Variants in ACTR5 observed in about 807,000 individuals in gnomAD.
ACTR5 encodes the protein actin-related protein 5.
A neutral mutation model predicts 61.2 loss-of-function variants in ACTR5; 43 were observed. The ratio of observed to expected loss-of-function variants is 0.70; its 90% CI spans 0.55 to 0.91. The LOEUF (loss-of-function observed/expected upper bound fraction) is 0.91, where lower values mean the gene tolerates loss of function less well. Among genes scored for constraint, ACTR5 ranks in the 40% least tolerant of loss-of-function variants. ACTR5 has a pLI of 0.00. For synonymous variants in ACTR5, 333 were observed against 310.5 expected (o/e 1.07, Z -0.76); for missense variants, 798 against 782.2 (o/e 1.02, Z -0.24).
chr20:38,767,725 T>A (rs765874064), intron 8 of ACTR5, 129 bp downstream of exon 8: 3 of 1,055,338 alleles, frequency 2.8e-6, no homozygotes, highest in Non-Finnish European at 2.7e-6. Flanking sequence ...CTTAAGTCCA[T>A]GCTTAATTTT....
intron 3 of ACTR5, among the ~76,000 whole-genome samples, chr20:38,753,693 A>G (rs1445674575): frequency 6.6e-6 from 1 of 152,132 alleles, no homozygotes; most frequent in African/African-American, 2.4e-5. Flanking sequence ...TGGTAGTTGG[A>G]TGATTTTTAA....
At chr20:38,763,464 C>T (rs2084466720) in intron 5 of ACTR5, among the ~76,000 whole-genome samples, 1 of 152,214 alleles carries the variant, frequency 6.6e-6, no homozygotes, top group African/African-American at 2.4e-5. Context: ...GGTCTTGCTG[C>T]TGCATGTAAA....
intron 3 of ACTR5, among the ~76,000 whole-genome samples, chr20:38,752,984 G>A (rs2254603): frequency 0.24 from 35,781 of 151,938 alleles, 4,348 homozygotes; most frequent in Middle Eastern, 0.35. Flanking sequence ...TTAAGTATAC[G>A]TTTCATGTGT....
intron 5 of ACTR5, 77 bp downstream of exon 5, chr20:38,756,116 T>G: frequency 6.9e-7 from 1 of 1,452,552 alleles, no homozygotes; most frequent in Non-Finnish European, 9.1e-7. Flanking sequence ...AAAGGGGTTG[T>G]GCCCAGAGTC....
intron 8 of ACTR5, among the ~76,000 whole-genome samples, chr20:38,768,809 G>C (rs1226271487): frequency 1.3e-5 from 2 of 152,192 alleles, no homozygotes; most frequent in East Asian, 3.9e-4. Flanking sequence ...GGTAACAGTA[G>C]GGTGGTCCTG....
rs1568633138 is a variant in ACTR5 at position 38,748,858 on chromosome 20, A to T, written c.375+5A>T. 1.2e-6 allele frequency: 2 copies of T among 1,603,470 alleles called. No homozygotes were observed. Among genetic ancestry groups the T allele is most frequent in the Non-Finnish European group, 1.7e-6 (2 of 1,176,218 alleles). On this transcript the variant is annotated splice_donor_5th_base_variant and intron_variant, in intron 1 of 8. Coordinates refer to ENST00000243903, the MANE Select transcript of ACTR5 (RefSeq NM_024855.4). ...CACCTGGGTGTCTCCTCACAGGTGA[A>T]GGGCGGAGTAGGCTGGGCTGGGCTG...
chr20:38,767,460 C>G lies in ACTR5; in HGVS notation c.1434-4C>G. 6.2e-7 allele frequency: 1 copy of G among 1,612,734 alleles called. No individual in the cohort carries two copies. On this transcript the variant is annotated splice_polypyrimidine_tract_variant and splice_region_variant and intron_variant, in intron 7 of 8. Coordinates refer to ENST00000243903, the MANE Select transcript of ACTR5 (RefSeq NM_024855.4). Reference sequence around the variant, plus strand: ...GACTATATTAGGAGTTGTTTCTTTCCTAGGTACCCAAAGGACATTCAGGAA... The same window carrying G: ...GACTATATTAGGAGTTGTTTCTTTCGTAGGTACCCAAAGGACATTCAGGAA...
chr20:38,759,665 C>G (rs2084441816), intron 5 of ACTR5, among the ~76,000 whole-genome samples: 1 of 152,018 alleles, frequency 6.6e-6, no homozygotes, highest in Non-Finnish European at 1.5e-5. Flanking sequence ...CCCAGGGGCC[C>G]ACCACTCAGT....
chr20:38,758,385 G>A (rs930341142), intron 5 of ACTR5, among the ~76,000 whole-genome samples: 2 of 152,112 alleles, frequency 1.3e-5, no homozygotes, highest in East Asian at 1.9e-4. Context: ...GGTGGCTCAC[G>A]CCTGTAATCC....
intron 8 of ACTR5, among the ~76,000 whole-genome samples, chr20:38,769,278 A>T (rs1206227327): frequency 6.6e-6 from 1 of 152,206 alleles, no homozygotes; most frequent in Non-Finnish European, 1.5e-5. Flanking sequence ...GTTCCTTACA[A>T]GATCCACCTC....
chr20:38,759,998 TA>T (rs1439429986), intron 5 of ACTR5, among the ~76,000 whole-genome samples: 1 of 151,294 alleles, frequency 6.6e-6, no homozygotes, highest in Non-Finnish European at 1.5e-5. Context: ...ACCCCATCTC[TA>T]AAAAAAATTT....
At chr20:38,762,143 G>A (rs62202472) in intron 5 of ACTR5, among the ~76,000 whole-genome samples, 13,360 of 152,246 alleles carry the variant, frequency 0.088, 599 homozygotes, top group African/African-American at 0.12. Context: ...GAATTAAATA[G>A]TTGGGGACTG....
intron 1 of ACTR5, among the ~76,000 whole-genome samples, chr20:38,749,233 G>A (rs2084371733): frequency 6.6e-6 from 1 of 152,204 alleles, no homozygotes; most frequent in Non-Finnish European, 1.5e-5. Context: ...CATAGAAATA[G>A]TAGATTCTAC....
In ACTR5 at chr20:38,750,039, A is replaced by G. The variant is rs769662075; in HGVS notation, c.405A>G (p.Thr135=). The G allele has an allele frequency of 1.0e-4, 162 of 1,614,074 alleles. 1 individual carries two copies. The highest frequency in any genetic ancestry group is 1.3e-4 in the Non-Finnish European group (148 of 1,180,012). Residue 135 remains threonine, a synonymous_variant, in exon 2 of 9, where the codon ACA becomes ACG. Transcript: ENST00000243903. ...QGCVDHPIVL[T]EAVCNPLYSR... ...GTGTTGATCATCCCATAGTTTTGACAGAAGCTGTGTGCAACCCACTGTATT... is the reference window on the plus strand; with the variant it reads ...GTGTTGATCATCCCATAGTTTTGACGGAAGCTGTGTGCAACCCACTGTATT...
At chr20:38,767,751 A>G in intron 8 of ACTR5, among the ~76,000 whole-genome samples, 155 bp downstream of exon 8, 1 of 152,244 alleles carries the variant, frequency 6.6e-6, no homozygotes, top group Admixed American at 6.5e-5. Flanking sequence ...CAAAATGGGA[A>G]TCATGTTTTA....
rs771362765 is a variant in ACTR5, at chr20:38,755,088, C to A, written c.907C>A (p.Arg303=). ...ACAAGAAAGGCGGCAGCAGCAATTG[C>A]GGCGGCTGCAGGAGCTCAATGCCCG... ...EKQERRQQQL[R]RLQELNARRR... The change falls in exon 4 of 9, where the codon CGG becomes AGG. Residue 303 remains arginine (R), a synonymous_variant. Transcript: ENST00000243903. The A allele has an allele frequency of 5.6e-6, 9 of 1,614,220 alleles. No individual in the cohort carries two copies. The South Asian group carries it at 8.8e-5, about 16-fold the overall frequency.
At chr20:38,769,118 A>G (rs1243188086) in intron 8 of ACTR5, among the ~76,000 whole-genome samples, 2 of 151,990 alleles carry the variant, frequency 1.3e-5, no homozygotes, top group African/African-American at 2.4e-5. Context: ...ACAGCTAACC[A>G]CTATTAGTTT....
chr20:38,761,380 A>T (rs1313165730), intron 5 of ACTR5: 2 of 152,310 alleles, frequency 1.3e-5, no homozygotes, highest in Admixed American at 1.3e-4. Context: ...GTGACAGAAG[A>T]AAAGCCAGGA....
chr20:38,762,531 A>C (rs1460169416), intron 5 of ACTR5, among the ~76,000 whole-genome samples: 1 of 152,228 alleles, frequency 6.6e-6, no homozygotes, highest in Non-Finnish European at 1.5e-5. Context: ...AGTGTGTGGG[A>C]TAGAAGTCAC....
Sources: allele counts gnomAD v4.1 joint callset (sites outside exome capture counted in the v4.1 genomes callset), GRCh38; gene constraint gnomAD v4.1.1; transcripts MANE v1.5; gene names NCBI Gene and HGNC (gene_info 2026-07-23, HGNC 2026-07-21).